GRID2: variants seen among roughly 807,000 people sequenced by gnomAD.
The protein encoded by GRID2 is glutamate ionotropic receptor delta type subunit 2.
GRID2 carries 33 observed loss-of-function variants against 114.8 expected under a neutral mutation model. The observed-to-expected ratio is 0.29, with a 90% confidence interval of 0.22 to 0.38. The LOEUF (loss-of-function observed/expected upper bound fraction) is 0.38. GRID2 is among the 10% of genes least tolerant of loss of function. GRID2 has a pLI of 1.00. For synonymous variants in GRID2, 505 were observed against 449.9 expected (o/e 1.12, Z -1.55); for missense variants, 1,184 against 1,257.7 (o/e 0.94, Z 0.89).
At chr4:93,632,026 G>T (rs1720946521) in intron 14 of GRID2, among the ~76,000 whole-genome samples, 1 of 152,176 alleles carries the variant, frequency 6.6e-6, no homozygotes, top group African/African-American at 2.4e-5. Flanking sequence ...TTTGAGAAGT[G>T]TCTGTTCATA....
chr4:93,546,784 A>G (rs143360433), intron 13 of GRID2, among the ~76,000 whole-genome samples: 1 of 152,314 alleles, frequency 6.6e-6, no homozygotes, highest in African/African-American at 2.4e-5. Flanking sequence ...ACCATGTTGA[A>G]AATGGCTCTA....
In GRID2 at chr4:92,939,945, A is replaced by T. The variant is rs566683859; in HGVS notation, c.245-145050A>T. On this transcript the variant is annotated intron_variant, in intron 2 of 15. Transcript: ENST00000282020. ...TGTATATCTCTGTTTTGGTACCAGT[A>T]CCATGCTGTTTTGGTTACTGTAGCC... Among the ~76,000 whole-genome samples the T allele has an allele frequency of 1.7e-4, 25 of 147,280 alleles. 4 individuals are homozygous for T. In the South Asian group the frequency reaches 5.5e-3, roughly 32 times the overall value.
intron 1 of GRID2, among the ~76,000 whole-genome samples, chr4:92,520,815 A>G (rs1182018589): frequency 2.0e-5 from 3 of 151,926 alleles, no homozygotes; most frequent in Non-Finnish European, 4.4e-5. Flanking sequence ...TTGTGTCTCA[A>G]TCAACATAGA....
At chr4:93,508,227 T>C (rs1179349441) in intron 12 of GRID2, among the ~76,000 whole-genome samples, 1 of 150,774 alleles carries the variant, frequency 6.6e-6, no homozygotes, top group Non-Finnish European at 1.5e-5. Context: ...TGACGGAGTC[T>C]TGGTCTGTAG....
chr4:92,757,182 C>T (rs1737760277), intron 2 of GRID2, among the ~76,000 whole-genome samples: 1 of 152,028 alleles, frequency 6.6e-6, no homozygotes, highest in South Asian at 2.1e-4. Context: ...ATCCAGTTTT[C>T]CCAAAACCAT....
At chr4:93,590,210 C>T (rs13128732) in intron 13 of GRID2, among the ~76,000 whole-genome samples, 2 of 148,702 alleles carry the variant, frequency 1.3e-5, no homozygotes. Context: ...AGTCTTTAAT[C>T]CATCTTGAAC....
intron 4 of GRID2, among the ~76,000 whole-genome samples, chr4:93,138,953 A>T (rs567696207): frequency 6.6e-6 from 1 of 152,128 alleles, no homozygotes; most frequent in Non-Finnish European, 1.5e-5. Context: ...TTCTACTTTC[A>T]TCTCCTGCTA....
At chr4:93,440,739 A>C (rs1721549186) in intron 10 of GRID2, among the ~76,000 whole-genome samples, 1 of 152,138 alleles carries the variant, frequency 6.6e-6, no homozygotes, top group Admixed American at 6.6e-5. Context: ...TAAATTATGT[A>C]GATGCAAATG....
At chr4:93,536,095 T>TA (rs1732040217) in intron 13 of GRID2, among the ~76,000 whole-genome samples, 4 of 152,038 alleles carry the variant, frequency 2.6e-5, no homozygotes, top group African/African-American at 9.6e-5. Flanking sequence ...ATTGGTGGAT[T>TA]GGAAGAATAA....
intron 13 of GRID2, among the ~76,000 whole-genome samples, chr4:93,524,823 G>A (rs2870712): frequency 0.38 from 22,089 of 57,412 alleles, 3,415 homozygotes; most frequent in Non-Finnish European, 0.47. Context: ...ATGTATGTAT[G>A]TATATATATA....
At chr4:93,764,436 C>T (rs573660409) in intron 14 of GRID2, among the ~76,000 whole-genome samples, 193 of 152,126 alleles carry the variant, frequency 1.3e-3, no homozygotes, top group African/African-American at 4.5e-3. Context: ...AAGTATGTAC[C>T]GGAACAGGTC....
intron 12 of GRID2, among the ~76,000 whole-genome samples, chr4:93,493,870 C>T (rs939649408): frequency 1.3e-5 from 2 of 151,812 alleles, no homozygotes; most frequent in Non-Finnish European, 2.9e-5. Flanking sequence ...CCAATGCCAA[C>T]TGGCATTATT....
chr4:93,444,358 A>C (rs145631084), intron 10 of GRID2, among the ~76,000 whole-genome samples: 1,654 of 152,114 alleles, frequency 0.011, 19 homozygotes, highest in South Asian at 0.051. Context: ...AGCTAGGAGA[A>C]GGAATAGCAC....
At chr4:93,409,920 T>G (rs549177459) in intron 9 of GRID2, among the ~76,000 whole-genome samples, 73 of 152,350 alleles carry the variant, frequency 4.8e-4, no homozygotes, top group Admixed American at 3.2e-3. Flanking sequence ...ACAGATTTAT[T>G]ACTTGTCTCT....
At chr4:92,471,456 A>G (rs1401099581) in intron 1 of GRID2, among the ~76,000 whole-genome samples, 2 of 152,032 alleles carry the variant, frequency 1.3e-5, no homozygotes, top group African/African-American at 2.4e-5. Context: ...CCAAATCTCC[A>G]AACTCTTTTT....
At chr4:92,495,439 G>T (rs541772862) in intron 1 of GRID2, among the ~76,000 whole-genome samples, 1 of 152,098 alleles carries the variant, frequency 6.6e-6, no homozygotes, top group African/African-American at 2.4e-5. Flanking sequence ...AATTTTAGGT[G>T]GCTAAGAGGA....
intron 14 of GRID2, among the ~76,000 whole-genome samples, chr4:93,733,437 C>T (rs1402497928): frequency 1.3e-5 from 2 of 152,050 alleles, no homozygotes; most frequent in Admixed American, 6.6e-5. Context: ...TCTCCAAGTG[C>T]CTGCTTCTGA....
At chr4:92,926,962 T>C (rs1462747957) in intron 2 of GRID2, among the ~76,000 whole-genome samples, 1 of 151,912 alleles carries the variant, frequency 6.6e-6, no homozygotes, top group Admixed American at 6.6e-5. Flanking sequence ...GTTCAACACA[T>C]GAACTTTAGG....
At chr4:92,946,919 T>G (rs1751682241) in intron 2 of GRID2, among the ~76,000 whole-genome samples, 1 of 152,056 alleles carries the variant, frequency 6.6e-6, no homozygotes, top group Non-Finnish European at 1.5e-5. Flanking sequence ...ATTAGAACCA[T>G]TGCCTGGAGA....
Sources: gnomAD v4.1 joint callset for allele counts (sites outside exome capture counted in the v4.1 genomes callset) on GRCh38, gnomAD v4.1.1 for gene constraint, MANE v1.5 for transcripts, NCBI Gene and HGNC (gene_info 2026-07-23, HGNC 2026-07-21) for gene names.